The following RAB38 variants were observed in gnomAD, a reference collection of about 807,000 sequenced individuals.
RAB38 encodes the protein RAB38, member RAS oncogene family.
A neutral mutation model predicts 18.4 loss-of-function variants in RAB38; 15 were observed. That is an observed-to-expected ratio of 0.82 (90% CI 0.55 to 1.26). The LOEUF (loss-of-function observed/expected upper bound fraction) is 1.26, where lower values mean the gene tolerates loss of function less well. RAB38 is among the 50% of genes most tolerant of loss of function. The pLI, the probability that RAB38 is intolerant of heterozygous loss-of-function variation, is 0.00. For missense variants in RAB38, 294 were observed against 267.4 expected (o/e 1.10, Z -0.69); for synonymous variants, 101 against 104.4 (o/e 0.97, Z 0.20).
the RAB38 span, among the ~76,000 whole-genome samples, chr11:88,069,817 G>A: frequency 7.3e-6 from 1 of 136,728 alleles, no homozygotes; most frequent in African/African-American, 2.9e-5. Context: ...ACCCATCAGT[G>A]CTCTGTGTCT....
the RAB38 span, among the ~76,000 whole-genome samples, chr11:87,919,258 G>C: frequency 1.3e-5 from 2 of 151,736 alleles, no homozygotes; most frequent in Non-Finnish European, 2.9e-5. Flanking sequence ...TTTTTATATG[G>C]CCTTTATTGT....
the RAB38 span, among the ~76,000 whole-genome samples, chr11:88,017,496 G>A: frequency 4.6e-5 from 7 of 151,222 alleles, no homozygotes; most frequent in Non-Finnish European, 8.8e-5. Flanking sequence ...CTATTCATGG[G>A]TCTCAAGGAC....
chr11:87,967,065 G>A, the RAB38 span, among the ~76,000 whole-genome samples: 1 of 152,176 alleles, frequency 6.6e-6, no homozygotes, highest in African/African-American at 2.4e-5. Context: ...ACTTGGAGAG[G>A]AAATAATGAA....
chr11:88,155,327 T>C (rs1476270437), intron 1 of RAB38, among the ~76,000 whole-genome samples: 3 of 152,134 alleles, frequency 2.0e-5, no homozygotes, highest in African/African-American at 7.2e-5. Flanking sequence ...AGTATACACC[T>C]AGCCACATTG....
chr11:87,863,743 TAA>T, the RAB38 span, among the ~76,000 whole-genome samples: 1 of 151,842 alleles, frequency 6.6e-6, no homozygotes, highest in Non-Finnish European at 1.5e-5. Context: ...ACACTCGTAA[TAA>T]AGTGTATAGC....
the RAB38 span, among the ~76,000 whole-genome samples, chr11:88,007,904 TAC>T: frequency 6.6e-6 from 1 of 152,110 alleles, no homozygotes; most frequent in African/African-American, 2.4e-5. Flanking sequence ...TACTCAGCAA[TAC>T]AAAGGAATGA....
At chr11:87,954,692 G>GT in the RAB38 span, among the ~76,000 whole-genome samples, 335 of 152,160 alleles carry the variant, frequency 2.2e-3, no homozygotes, top group Non-Finnish European at 4.1e-3. Flanking sequence ...ACCAGATAAG[G>GT]TATAGGCGAG....
At chr11:87,840,977 C>A in the RAB38 span, among the ~76,000 whole-genome samples, 9 of 152,274 alleles carry the variant, frequency 5.9e-5, no homozygotes, top group African/African-American at 2.2e-4. Flanking sequence ...ACCAGCCTGT[C>A]TAGGTCAAAT....
intron 2 of RAB38, among the ~76,000 whole-genome samples, chr11:88,131,290 T>A (rs190043696): frequency 1.8e-4 from 27 of 152,328 alleles, no homozygotes; most frequent in African/African-American, 6.3e-4. Context: ...CAGTGATTAA[T>A]CCTGTGTAGG....
At chr11:88,123,305 A>T (rs1161805557) in intron 2 of RAB38, among the ~76,000 whole-genome samples, 101 of 152,328 alleles carry the variant, frequency 6.6e-4, no homozygotes, top group African/African-American at 2.1e-3. Context: ...GCCTACAAAC[A>T]GTAGGCACTC....
chr11:87,956,984 G>GGT, the RAB38 span, among the ~76,000 whole-genome samples: 1 of 33,400 alleles, frequency 3.0e-5, no homozygotes, highest in Non-Finnish European at 1.8e-4. Flanking sequence ...GCAGTTTTTT[G>GGT]GGGGGGGGTC....
the RAB38 span, among the ~76,000 whole-genome samples, chr11:87,906,925 A>G: frequency 6.6e-6 from 1 of 151,990 alleles, no homozygotes; most frequent in African/African-American, 2.4e-5. Context: ...TAAATGTAAC[A>G]AAATTTGTTA....
the RAB38 span, among the ~76,000 whole-genome samples, chr11:87,838,210 G>C: frequency 6.6e-6 from 1 of 151,910 alleles, no homozygotes; most frequent in Non-Finnish European, 1.5e-5. Context: ...TGACTCCTGG[G>C]TTCATGCCAT....
chr11:87,831,302 C>G, the RAB38 span, among the ~76,000 whole-genome samples: 2 of 151,998 alleles, frequency 1.3e-5, no homozygotes, highest in African/African-American at 4.8e-5. Flanking sequence ...AAAAGCCATA[C>G]AAAATAGTAT....
chr11:88,048,878 T>C, the RAB38 span, among the ~76,000 whole-genome samples: 1 of 152,234 alleles, frequency 6.6e-6, no homozygotes, highest in Non-Finnish European at 1.5e-5. Context: ...TTAGGCACTC[T>C]GGTTAGATGT....
the RAB38 span, among the ~76,000 whole-genome samples, chr11:87,951,111 C>T: frequency 2.0e-5 from 3 of 152,070 alleles, no homozygotes; most frequent in African/African-American, 7.2e-5. Context: ...CTCTAAACTT[C>T]TCTTCTTGCT....
At chr11:87,908,777 GATA>G in the RAB38 span, among the ~76,000 whole-genome samples, 2 of 152,014 alleles carry the variant, frequency 1.3e-5, no homozygotes, top group African/African-American at 4.8e-5. Flanking sequence ...TATGTGGGCA[GATA>G]ATGAGTTTCT....
At chr11:87,927,197 T>C in the RAB38 span, among the ~76,000 whole-genome samples, 1 of 152,026 alleles carries the variant, frequency 6.6e-6, no homozygotes, top group East Asian at 1.9e-4. Flanking sequence ...TTTTCAATGA[T>C]CCATACCTGG....
chr11:88,064,952 A>C, the RAB38 span, among the ~76,000 whole-genome samples: 1 of 152,218 alleles, frequency 6.6e-6, no homozygotes, highest in Admixed American at 6.5e-5. Flanking sequence ...GTTCTTCTAA[A>C]TAATCATTTT....
Sources: allele counts gnomAD v4.1 joint callset (sites outside exome capture counted in the v4.1 genomes callset), GRCh38; gene constraint gnomAD v4.1.1; transcripts MANE v1.5; gene names NCBI Gene and HGNC (gene_info 2026-07-23, HGNC 2026-07-21).